CDKN3: variants seen among roughly 807,000 people sequenced by gnomAD.
CDKN3 encodes the protein cyclin-dependent kinase inhibitor 3.
A neutral mutation model predicts 36.1 loss-of-function variants in CDKN3; 19 were observed. The ratio of observed to expected loss-of-function variants is 0.53; its 90% confidence interval spans 0.37 to 0.77. CDKN3 has a LOEUF of 0.77. Among genes scored for constraint, CDKN3 ranks in the 30% least tolerant of loss-of-function variants. The pLI, the probability that CDKN3 is intolerant of heterozygous loss-of-function variation, is 0.00. For missense variants in CDKN3, 188 were observed against 248.6 expected (o/e 0.76, Z 1.64); for synonymous variants, 71 against 85.3 (o/e 0.83, Z 0.92).
intron 6 of CDKN3, among the ~76,000 whole-genome samples, chr14:54,416,310 A>G (rs2030547494): frequency 2.0e-5 from 3 of 152,306 alleles, no homozygotes; most frequent in Admixed American, 2.0e-4. Context: ...GTTTTAATGT[A>G]CTAAGAAAAA....
intron 3 of CDKN3, 21 bp downstream of exon 3, chr14:54,401,600 C>T: frequency 3.3e-6 from 5 of 1,515,124 alleles, no homozygotes; most frequent in Non-Finnish European, 4.6e-6. Flanking sequence ...CAATAATGGG[C>T]TTCCTATCAA....
rs910293040 is a variant in CDKN3 at position 54,408,673 on chromosome 14, A to G, written c.149-72A>G. On this transcript the variant is annotated intron_variant, in intron 3 of 7. Transcript: ENST00000335183. ...TGAAATGACTTTATAAAGTAGCTAT[A>G]TAAGTGTTTAAACATACCTGTTACA... is the stretch of plus-strand genomic sequence containing the variant. 4.8e-6 allele frequency: 7 copies of G among 1,456,142 alleles called. No individual in the cohort carries two copies. In the East Asian group the frequency reaches 7.2e-5, roughly 15 times the overall value. 90.2% of individuals were successfully genotyped at this position (1,456,142 alleles called of 1,614,324 possible).
At chr14:54,414,965 C>T (rs942896230) in intron 5 of CDKN3, among the ~76,000 whole-genome samples, 1 of 150,356 alleles carries the variant, frequency 6.7e-6, no homozygotes, top group Non-Finnish European at 1.5e-5. Context: ...CTCTATTTCA[C>T]ATCCTAAAGC....
chr14:54,419,157 C>CAAA lies in CDKN3; in HGVS notation c.553-822_553-820dup, dbSNP rs770520508. On this transcript the variant is annotated intron_variant, in intron 7 of 7. Coordinates refer to ENST00000335183, the MANE Select transcript of CDKN3 (RefSeq NM_005192.4). ...TGGGCGACAAAGTGAGACCCTGTCT[C>CAAA]AAAAAAAAAAAAAAATCAAATGATG... Among the ~76,000 whole-genome samples, 207 of 125,086 alleles carry CAAA rather than the reference C, an allele frequency of 1.7e-3. 3 individuals carry two copies. Among genetic ancestry groups the CAAA allele is most frequent in the African/African-American group, 5.3e-3 (184 of 34,576 alleles). The allele number at this position is 125,086 out of a possible 152,430, so 82.1% of individuals were successfully genotyped here.
At chr14:54,406,773 T>C (rs148622825) in intron 3 of CDKN3, among the ~76,000 whole-genome samples, 2,134 of 152,182 alleles carry the variant, frequency 0.014, 52 homozygotes, top group African/African-American at 0.048. Flanking sequence ...TTTCCTTGCA[T>C]TGGGTTAGAA....
chr14:54,398,861 G>C (rs982895492), intron 1 of CDKN3, among the ~76,000 whole-genome samples: 10 of 152,056 alleles, frequency 6.6e-5, no homozygotes, highest in Admixed American at 5.2e-4. Context: ...GCCATGTGGG[G>C]ATGTTTTTTG....
intron 6 of CDKN3, 40 bp downstream of exon 6, chr14:54,415,970 A>G: frequency 7.2e-7 from 1 of 1,387,848 alleles, no homozygotes; most frequent in Non-Finnish European, 1.0e-6. Flanking sequence ...ACCGCCAAAT[A>G]GACAAACTTC....
chr14:54,397,212 G>C, intron 1 of CDKN3, 135 bp downstream of exon 1: 1 of 1,059,220 alleles, frequency 9.4e-7, no homozygotes, highest in Admixed American at 3.9e-5. Context: ...CTGCGGGTCG[G>C]GGAGGTGACT....
intron 6 of CDKN3, among the ~76,000 whole-genome samples, chr14:54,416,631 A>G (rs1268421930): frequency 6.6e-6 from 1 of 152,170 alleles, no homozygotes; most frequent in Non-Finnish European, 1.5e-5. Flanking sequence ...CATGAGCAAC[A>G]TGGTGAAACC....
At chr14:54,408,193 T>A (rs2030225891) in intron 3 of CDKN3, among the ~76,000 whole-genome samples, 1 of 152,254 alleles carries the variant, frequency 6.6e-6, no homozygotes, top group South Asian at 2.1e-4. Flanking sequence ...CTCCACACTG[T>A]TTTCCATAGT....
Position 54,408,772 on chromosome 14 carries a change from A to G in CDKN3, c.176A>G (p.Asn59Ser). 1 of 1,576,050 alleles carries G rather than the reference A, an allele frequency of 6.3e-7. No individual in the cohort carries two copies. Among genetic ancestry groups the G allele is most frequent in the Admixed American group, 2.0e-5 (1 of 51,252 alleles). The change falls in exon 4 of 8, where the codon AAT becomes AGT. Residue 59 changes from asparagine (N) to serine (S), a missense_variant. Physicochemically the swap from Asn to Ser is conservative, Grantham distance 46. Transcript: ENST00000335183. ...TGTAAATTTAAAGATGTTAGAAGAA[A>G]TGTCCAAAAAGATACAGGTAGGTAT... ...PGCKFKDVRR[N>S]VQKDTEELKS...
chr14:54,408,040 A>C (rs905765846), intron 3 of CDKN3, among the ~76,000 whole-genome samples: 3 of 152,140 alleles, frequency 2.0e-5, no homozygotes, highest in Non-Finnish European at 2.9e-5. Flanking sequence ...CTGGTTTTAC[A>C]TTTTTGCAGT....
chr14:54,403,044 G>T (rs2030016884), intron 3 of CDKN3, among the ~76,000 whole-genome samples: 1 of 151,794 alleles, frequency 6.6e-6, no homozygotes, highest in South Asian at 2.1e-4. Context: ...CTCTTTTTTT[G>T]TTCCATATGA....
intron 3 of CDKN3, among the ~76,000 whole-genome samples, chr14:54,407,532 G>C (rs2030202868): frequency 6.6e-6 from 1 of 152,232 alleles, no homozygotes; most frequent in East Asian, 1.9e-4. Flanking sequence ...TTCTTTCAGA[G>C]ATGCCCTGCC....
At chr14:54,400,583 C>A (rs1204531527) in intron 2 of CDKN3, among the ~76,000 whole-genome samples, 1 of 152,182 alleles carries the variant, frequency 6.6e-6, no homozygotes, top group Admixed American at 6.5e-5. Context: ...AATGAGCAAT[C>A]AAATGCTTTC....
intron 3 of CDKN3, among the ~76,000 whole-genome samples, chr14:54,404,366 A>T (rs1594601089): frequency 6.6e-6 from 1 of 152,116 alleles, no homozygotes; most frequent in East Asian, 1.9e-4. Flanking sequence ...CTCTGATGGT[A>T]GTTTGTATTT....
intron 7 of CDKN3, among the ~76,000 whole-genome samples, chr14:54,419,357 T>A (rs1480481527): frequency 1.3e-5 from 2 of 152,198 alleles, no homozygotes; most frequent in African/African-American, 4.8e-5. Context: ...GGCTTGCTGG[T>A]GTTAGCAATG....
rs373294190 is a variant in CDKN3 at position 54,418,513 on chromosome 14, A to AT, written c.552+564dup. On this transcript the variant is annotated intron_variant, in intron 7 of 7. Coordinates refer to ENST00000335183, the MANE Select transcript of CDKN3 (RefSeq NM_005192.4). Reference sequence around the variant, plus strand: ...ACACTGCACTAGCAATGCCAAGGATATTGCATTAATCATGTTACTGAAAAG... The same window carrying AT: ...ACACTGCACTAGCAATGCCAAGGATATTTGCATTAATCATGTTACTGAAAAG... 1.1e-3 allele frequency: 495 copies of AT among 465,822 alleles called. 1 individual carries two copies. The highest frequency in any genetic ancestry group is 8.5e-3 in the African/African-American group (426 of 50,098). The allele number at this position is 465,822 out of a possible 1,614,324, so 28.9% of individuals were successfully genotyped here.
Position 54,399,962 on chromosome 14 carries a change from A to G in CDKN3, c.78A>G (p.Pro26=), listed in dbSNP as rs766293737. 1 of 1,473,688 alleles carries G rather than the reference A, an allele frequency of 6.8e-7. No individual in the cohort carries two copies. Among genetic ancestry groups the G allele is most frequent in the East Asian group, 2.3e-5 (1 of 44,090 alleles). The allele number at this position is 1,473,688 out of a possible 1,614,324, so 91.3% of individuals were successfully genotyped here. ...DEEPIEDEQT[P]IHISWLSLSR... Reference sequence around the variant, plus strand: ...AGCCTATTGAAGATGAACAGACTCCAATTCATATATCATGGTATGTTAGCA... The same window carrying G: ...AGCCTATTGAAGATGAACAGACTCCGATTCATATATCATGGTATGTTAGCA... Residue 26 remains proline (P), a synonymous_variant, in exon 2 of 8, where the codon CCA becomes CCG. Transcript: ENST00000335183.
Sources: allele counts gnomAD v4.1 joint callset (sites outside exome capture counted in the v4.1 genomes callset), GRCh38; gene constraint gnomAD v4.1.1; transcripts MANE v1.5; gene names NCBI Gene and HGNC (gene_info 2026-07-23, HGNC 2026-07-21).